Variants in MBD5 observed in about 807,000 individuals in gnomAD.
MBD5 encodes the protein methyl-CpG-binding domain protein 5.
In MBD5, 13 loss-of-function variants were observed where a neutral mutation model predicts 117.3. The ratio of observed to expected loss-of-function variants is 0.11; its 90% CI spans 0.07 to 0.18. MBD5 has a LOEUF of 0.18. Ranked by LOEUF, MBD5 falls within the 10% of genes least tolerant of loss-of-function variation. The pLI is 1.00. For synonymous variants in MBD5, 727 were observed against 766.4 expected (o/e 0.95, Z 0.85); for missense variants, 1,879 against 2,093.8 (o/e 0.90, Z 2.00).
intron 4 of MBD5, among the ~76,000 whole-genome samples, chr2:148,399,049 A>G (rs1434259232): frequency 2.0e-5 from 3 of 152,198 alleles, no homozygotes; most frequent in Admixed American, 6.5e-5. Context: ...TGTTTTGGTT[A>G]CTGTAGCCTT....
chr2:148,455,162 A>AT lies in MBD5; in HGVS notation c.-556-3039dup, dbSNP rs527990669. Among the ~76,000 whole-genome samples, 9 of 152,192 alleles carry AT rather than the reference A, an allele frequency of 5.9e-5. No homozygotes were observed. The East Asian group carries it at 1.5e-3, about 26-fold the overall frequency. On this transcript the variant is annotated intron_variant, in intron 4 of 13. Coordinates refer to ENST00000642680, the MANE Select transcript of MBD5 (RefSeq NM_001378120.1). ...TCACAAGATGAGTGTTGCGAAAAAAATTGCCACTTAACAGATAAATGATAA... is the reference window on the plus strand; with the variant it reads ...TCACAAGATGAGTGTTGCGAAAAAAATTTGCCACTTAACAGATAAATGATAA...
chr2:148,496,484 C>T (rs114106904), intron 11 of MBD5, among the ~76,000 whole-genome samples: 119 of 152,288 alleles, frequency 7.8e-4, no homozygotes, highest in African/African-American at 2.8e-3. Flanking sequence ...TCTTCATTCG[C>T]ATAGGTAACT....
chr2:148,444,851 C>T (rs568716441), intron 4 of MBD5, among the ~76,000 whole-genome samples: 2 of 150,984 alleles, frequency 1.3e-5, no homozygotes, highest in African/African-American at 2.5e-5. Flanking sequence ...GTGAGGACTA[C>T]GTTCTCTTCA....
At chr2:148,337,056 A>G (rs1295184631) in intron 3 of MBD5, among the ~76,000 whole-genome samples, 5 of 152,148 alleles carry the variant, frequency 3.3e-5, no homozygotes, top group Admixed American at 2.6e-4. Flanking sequence ...CCACAATACA[A>G]TGGAATGTTT....
chr2:148,069,267 G>A, intron 1 of MBD5, among the ~76,000 whole-genome samples: 1 of 152,126 alleles, frequency 6.6e-6, no homozygotes, highest in Non-Finnish European at 1.5e-5. Context: ...TTTGTAATGG[G>A]ATCAAAATGT....
In MBD5 at chr2:148,483,238, C is replaced by T. The variant is rs1378904136; in HGVS notation, c.2647C>T (p.Leu883=). 1.9e-6 allele frequency: 3 copies of T among 1,613,980 alleles called. No individual in the cohort carries two copies. The highest frequency in any genetic ancestry group is 2.5e-6 in the Non-Finnish European group (3 of 1,180,026). The change falls in exon 9 of 14, where the codon CTA becomes TTA. Residue 883 remains leucine (L), a synonymous_variant. Transcript: ENST00000642680. ...TAAGNPLQSQ[L]PIGSDFPFVG... is the part of the protein sequence containing the mutation. ...AGCTGGAAACCCACTGCAGAGTCAG[C>T]TACCCATTGGGAGTGATTTTCCTTT...
intron 4 of MBD5, among the ~76,000 whole-genome samples, chr2:148,423,224 A>G (rs930289625): frequency 6.6e-6 from 1 of 152,184 alleles, no homozygotes; most frequent in Non-Finnish European, 1.5e-5. Context: ...TCAGACTAAC[A>G]GCAGATCTCT....
chr2:148,183,292 C>A (rs1413865211), intron 2 of MBD5, among the ~76,000 whole-genome samples: 1 of 151,888 alleles, frequency 6.6e-6, no homozygotes. Context: ...GAGTTTGAAC[C>A]ATATAGTGAC....
At chr2:148,041,527 G>A (rs1694358857) in intron 1 of MBD5, among the ~76,000 whole-genome samples, 1 of 152,110 alleles carries the variant, frequency 6.6e-6, no homozygotes, top group African/African-American at 2.4e-5. Context: ...AATGGATTTG[G>A]AGAAGAACCA....
chr2:148,251,187 G>T (rs1419369771), intron 3 of MBD5, among the ~76,000 whole-genome samples: 1 of 152,092 alleles, frequency 6.6e-6, no homozygotes, highest in African/African-American at 2.4e-5. Context: ...GTCTGCCAGA[G>T]CAATTATTTT....
At chr2:148,485,697 C>G in intron 9 of MBD5, 45 bp from the exon 10 acceptor site, 1 of 1,434,418 alleles carries the variant, frequency 7.0e-7, no homozygotes, top group South Asian at 1.2e-5. Context: ...CATCGAATCT[C>G]CGAAGAATCA....
chr2:148,150,758 A>C (rs1288550702), intron 1 of MBD5, among the ~76,000 whole-genome samples: 1 of 151,898 alleles, frequency 6.6e-6, no homozygotes, highest in Non-Finnish European at 1.5e-5. Context: ...TTGTTGGTGC[A>C]TAAGAATGCT....
At chr2:148,292,569 A>G (rs1701523664) in intron 3 of MBD5, among the ~76,000 whole-genome samples, 1 of 152,184 alleles carries the variant, frequency 6.6e-6, no homozygotes, top group Admixed American at 6.5e-5. Context: ...AGGTAATAAC[A>G]AATGCTAGCT....
At chr2:148,118,435 A>T (rs11684615) in intron 1 of MBD5, among the ~76,000 whole-genome samples, 1,891 of 148,558 alleles carry the variant, frequency 0.013, 11 homozygotes, top group Non-Finnish European at 0.016. Context: ...CATAAAAAAA[A>T]ATATATATAT....
chr2:148,328,694 T>G (rs1252978647), intron 3 of MBD5, among the ~76,000 whole-genome samples: 5 of 152,242 alleles, frequency 3.3e-5, no homozygotes, highest in African/African-American at 1.2e-4. Flanking sequence ...CTCACCCTGC[T>G]TTGGCTCGCA....
chr2:148,085,415 C>A (rs1695751470), intron 1 of MBD5, among the ~76,000 whole-genome samples: 1 of 152,230 alleles, frequency 6.6e-6, no homozygotes, highest in African/African-American at 2.4e-5. Context: ...AGAGCAATTA[C>A]TTCCAGTGCT....
intron 4 of MBD5, among the ~76,000 whole-genome samples, chr2:148,426,787 C>A (rs1329313265): frequency 6.6e-6 from 1 of 152,130 alleles, no homozygotes; most frequent in Admixed American, 6.6e-5. Flanking sequence ...CAACAAAAGC[C>A]AGAATTGACA....
chr2:148,281,724 A>G (rs932032881), intron 3 of MBD5, among the ~76,000 whole-genome samples: 2 of 152,026 alleles, frequency 1.3e-5, no homozygotes, highest in Middle Eastern at 6.8e-3. Context: ...CCAATCATTG[A>G]GTCAGTGGGT....
At chr2:148,378,991 A>G (rs1339667616) in intron 4 of MBD5, among the ~76,000 whole-genome samples, 2 of 152,068 alleles carry the variant, frequency 1.3e-5, no homozygotes, top group Admixed American at 1.3e-4. Context: ...AGAAAACTAC[A>G]TGAAATATAT....
Sources: gnomAD v4.1 joint callset for allele counts (sites outside exome capture counted in the v4.1 genomes callset) on GRCh38, gnomAD v4.1.1 for gene constraint, MANE v1.5 for transcripts, NCBI Gene and HGNC (gene_info 2026-07-23, HGNC 2026-07-21) for gene names.